Variants in INTS10 observed in about 807,000 individuals in gnomAD.
INTS10 encodes the protein chromosome 8 open reading frame 35.
In INTS10, 44 loss-of-function variants were observed where a neutral mutation model predicts 94.4. The ratio of observed to expected loss-of-function variants is 0.47; its 90% CI spans 0.37 to 0.60. The LOEUF (loss-of-function observed/expected upper bound fraction) is 0.60, where lower values mean the gene tolerates loss of function less well. Among genes scored for constraint, INTS10 ranks in the 20% least tolerant of loss-of-function variants. The pLI, the probability that INTS10 is intolerant of heterozygous loss-of-function variation, is 0.00. For missense variants in INTS10, 797 were observed against 868.7 expected (o/e 0.92, Z 1.04); for synonymous variants, 341 against 320.7 (o/e 1.06, Z -0.68).
intron 12 of INTS10, among the ~76,000 whole-genome samples, chr8:19,835,009 C>T (rs1170086348): frequency 1.1e-4 from 17 of 152,048 alleles, no homozygotes; most frequent in Admixed American, 1.1e-3. Context: ...GGCTGTCCCT[C>T]CTGATGCCCT....
intron 9 of INTS10, among the ~76,000 whole-genome samples, chr8:19,829,389 G>C (rs1350726176): frequency 1.3e-5 from 2 of 150,456 alleles, no homozygotes; most frequent in African/African-American, 4.9e-5. Flanking sequence ...CAAAACATCT[G>C]ACTCTACCCA....
chr8:19,819,395 A>G (rs1368822003), intron 2 of INTS10, among the ~76,000 whole-genome samples, 178 bp from the exon 3 acceptor site: 1 of 151,992 alleles, frequency 6.6e-6, no homozygotes, highest in East Asian at 1.9e-4. Flanking sequence ...TTATGTGAGT[A>G]CTCTCATTTT....
rs767980818 is a variant in INTS10, at chr8:19,832,150, A to G, written c.1377+40A>G. 2.7e-6 allele frequency: 3 copies of G among 1,111,274 alleles called. No homozygotes were observed. The South Asian group carries it at 3.7e-5, about 14-fold the overall frequency. The allele number at this position is 1,111,274 out of a possible 1,614,324, so 68.8% of individuals were successfully genotyped here. On this transcript the variant is annotated intron_variant, in intron 11 of 16. Transcript: ENST00000397977. ...ATATTTTAGGTACCTGTGTCTGTAC[A>G]GCATGGCTATGGTGGCAAACCAGCT...
At chr8:19,841,512 G>A (rs2068122165) in intron 13 of INTS10, among the ~76,000 whole-genome samples, 1 of 152,126 alleles carries the variant, frequency 6.6e-6, no homozygotes, top group African/African-American at 2.4e-5. Context: ...AGGACAGGAA[G>A]AACAGATTCA....
chr8:19,826,550 A>T lies in INTS10; in HGVS notation c.1131A>T (p.Glu377Asp), dbSNP rs1321532545. Residue 377 changes from glutamate to aspartate, a missense_variant, in exon 9 of 17, where the codon GAA becomes GAT. This residue lies in a region of INTS10 where 734 missense variants were observed against 787.8 expected (regional missense o/e 0.93). Transcript: ENST00000397977. ...AGAGGAAACTAGCTGAAGGAAGAGAAAAAACCATGGTAAGGCTTTCAAATA... is the reference window on the plus strand; with the variant it reads ...AGAGGAAACTAGCTGAAGGAAGAGATAAAACCATGGTAAGGCTTTCAAATA... ...HKKRKLAEGR[E>D]KTMSSDDEDC... 6.2e-7 allele frequency: 1 copy of T among 1,611,684 alleles called. No homozygotes were observed. Among genetic ancestry groups the T allele is most frequent in the South Asian group, 1.1e-5 (1 of 90,424 alleles).
intron 14 of INTS10, 39 bp from the exon 15 acceptor site, chr8:19,844,037 T>C (rs912697901): frequency 2.0e-6 from 3 of 1,519,062 alleles, no homozygotes; most frequent in African/African-American, 1.4e-5. Flanking sequence ...CCCTGTGACT[T>C]CCTTTTCCTT....
chr8:19,844,081 A>T lies in INTS10; in HGVS notation c.1725A>T (p.Arg575Ser). The change falls in exon 15 of 17, where the codon AGA becomes AGT. Residue 575 changes from arginine (R) to serine (S), a missense_variant. Coordinates refer to ENST00000397977, the MANE Select transcript of INTS10 (RefSeq NM_018142.4). ...TATAAATCTTTGTCTTGCAGCTTAG[A>T]GCTTTCACAGACAACAGAGACGACA... ...LHLMLACFKLRAFTDNRDDMA... is the reference protein window; with the variant it reads ...LHLMLACFKLSAFTDNRDDMA... 6.3e-7 allele frequency: 1 copy of T among 1,595,390 alleles called. No homozygotes were observed. The highest frequency in any genetic ancestry group is 8.5e-7 in the Non-Finnish European group (1 of 1,170,808).
intron 13 of INTS10, among the ~76,000 whole-genome samples, chr8:19,838,135 C>T (rs1265434304): frequency 1.3e-5 from 2 of 152,098 alleles, no homozygotes; most frequent in Non-Finnish European, 2.9e-5. Flanking sequence ...GATGGCAGAT[C>T]GTTTGAGCCT....
intron 13 of INTS10, 115 bp from the exon 14 acceptor site, chr8:19,842,733 T>A (rs115468458): frequency 3.3e-6 from 2 of 614,618 alleles, no homozygotes; most frequent in South Asian, 4.7e-5. Context: ...ATTGTGTGAC[T>A]GTTGCATATT....
chr8:19,821,325 C>T (rs577868475), intron 4 of INTS10: 1 of 152,296 alleles, frequency 6.6e-6, no homozygotes, highest in East Asian at 1.9e-4. Flanking sequence ...TTTACCTCTC[C>T]CTGGCTTCTG....
At chr8:19,829,107 TTTTA>T (rs1460006819) in intron 9 of INTS10, among the ~76,000 whole-genome samples, 1 of 152,138 alleles carries the variant, frequency 6.6e-6, no homozygotes, top group Non-Finnish European at 1.5e-5. Context: ...TTGCACATAT[TTTTA>T]TTTATTTATT....
intron 13 of INTS10, 78 bp downstream of exon 13, chr8:19,837,238 C>A: frequency 1.1e-6 from 1 of 922,954 alleles, no homozygotes. Context: ...CTTGTAATCT[C>A]AGCTACTCGG....
rs755015774 is a variant in INTS10 at position 19,823,874 on chromosome 8, C to G, written c.666C>G (p.Gly222=). The part of the protein sequence containing the change: ...RSTQIENQHQ[G]AQDTSDLMSP... ...GGCTACTTTTTTCTTACATCTCAGGCGCCCAGGATACATCTGATTTAATGT... is the reference window on the plus strand; with the variant it reads ...GGCTACTTTTTTCTTACATCTCAGGGGCCCAGGATACATCTGATTTAATGT... Residue 222 remains glycine (G), a splice_region_variant and synonymous_variant, in exon 7 of 17, where the codon GGC becomes GGG. Transcript: ENST00000397977. 1 of 1,574,804 alleles carries G rather than the reference C, an allele frequency of 6.3e-7. No homozygotes were observed. The highest frequency in any genetic ancestry group is 8.6e-7 in the Non-Finnish European group (1 of 1,165,204).
intron 4 of INTS10, chr8:19,820,993 G>C (rs898920297): frequency 1.3e-5 from 2 of 152,486 alleles, no homozygotes; most frequent in African/African-American, 4.8e-5. Context: ...GAAGTAAATA[G>C]TATCCCACTT....
intron 13 of INTS10, among the ~76,000 whole-genome samples, chr8:19,842,578 A>G (rs1425762455): frequency 7.9e-5 from 12 of 152,268 alleles, no homozygotes; most frequent in South Asian, 2.1e-4. Context: ...TATTCTCTCT[A>G]TATAACTTTG....
intron 12 of INTS10, among the ~76,000 whole-genome samples, chr8:19,833,711 A>G (rs2067422293): frequency 6.6e-6 from 1 of 152,164 alleles, no homozygotes; most frequent in Non-Finnish European, 1.5e-5. Context: ...TTCTCTCTTT[A>G]AATGGTAATA....
At chr8:19,818,071 C>T (rs534568439) in intron 1 of INTS10, 4 of 612,444 alleles carry the variant, frequency 6.5e-6, no homozygotes, top group African/African-American at 5.5e-5. Context: ...CCTACTTAAT[C>T]CTGGGAGCCT....
intron 10 of INTS10, among the ~76,000 whole-genome samples, chr8:19,831,287 T>C (rs1229734861): frequency 6.6e-6 from 1 of 152,226 alleles, no homozygotes; most frequent in African/African-American, 2.4e-5. Flanking sequence ...TGTGAACACA[T>C]ATGTGACAAT....
Position 19,846,284 on chromosome 8 carries a change from T to A in INTS10, c.1976+487T>A, listed in dbSNP as rs1262966241. ...TAAAAATACAAAAAAAAAAAAAAAA[T>A]TATGTGGGCATGATAGTGGGCACCT... On this transcript the variant is annotated intron_variant, in intron 16 of 16. Coordinates refer to ENST00000397977, the MANE Select transcript of INTS10 (RefSeq NM_018142.4). The surrounding 1 kb of genome is among the most constrained non-coding windows in gnomAD (Gnocchi z 4.2). Among the ~76,000 whole-genome samples, 2 of 149,174 alleles carry A rather than the reference T, an allele frequency of 1.3e-5. No homozygotes were observed. The highest frequency in any genetic ancestry group is 3.0e-5 in the Non-Finnish European group (2 of 67,208).
Sources: gnomAD v4.1 joint callset for allele counts (sites outside exome capture counted in the v4.1 genomes callset) on GRCh38, gnomAD v4.1.1 for gene constraint, gnomAD v4.1.1 regional missense constraint, Gnocchi (gnomAD v3.1) non-coding constraint, MANE v1.5 for transcripts, NCBI Gene and HGNC (gene_info 2026-07-23, HGNC 2026-07-21) for gene names.